The following PCDHGA5 variants were observed in gnomAD, a reference collection of about 807,000 sequenced individuals.
The protein encoded by PCDHGA5 is protocadherin gamma subfamily A, 5, also known as protocadherin gamma-A5.
A neutral mutation model predicts 56.7 loss-of-function variants in PCDHGA5; 36 were observed. That is an observed-to-expected ratio of 0.64 (90% confidence interval 0.49 to 0.84). PCDHGA5 has a LOEUF of 0.84. PCDHGA5 is among the 40% of genes least tolerant of loss of function. PCDHGA5 has a pLI of 0.00. For synonymous variants in PCDHGA5, 563 were observed against 520.2 expected, an observed-to-expected ratio of 1.08 and a Z score of -1.12; for missense variants, 1,305 against 1,201.5, an observed-to-expected ratio of 1.09 and a Z score of -1.27.
intron 1 of PCDHGA5, chr5:141,428,481 C>T (rs2097141995): frequency 3.0e-6 from 1 of 331,008 alleles, no homozygotes; most frequent in Non-Finnish European, 5.8e-6. Flanking sequence ...TGCTTTATTC[C>T]TGCAATCTGT....
intron 1 of PCDHGA5, among the ~76,000 whole-genome samples, chr5:141,474,243 G>GA (rs1161758975): frequency 2.6e-5 from 4 of 152,050 alleles, no homozygotes; most frequent in Admixed American, 1.3e-4. Context: ...CTGAATAGGG[G>GA]AAAAAAAGAC....
intron 1 of PCDHGA5, among the ~76,000 whole-genome samples, chr5:141,494,568 C>T (rs2099755322): frequency 6.6e-6 from 1 of 152,138 alleles, no homozygotes; most frequent in African/African-American, 2.4e-5. Context: ...GGAAAGGAGT[C>T]TCAGCTTGCT....
rs915039012 is a variant in PCDHGA5 at position 141,372,538 on chromosome 5, T to A, written c.2421+5787T>A. The stretch of plus-strand genomic sequence containing the variant: ...GTGATTCTGGCAATCTCCCTGCGCC[T>A]GCGATGCTCCTCCAGACCCGCCACT... On this transcript the variant is annotated intron_variant, in intron 1 of 3. Coordinates refer to ENST00000518069, the MANE Select transcript of PCDHGA5 (RefSeq NM_018918.3). The A allele has an allele frequency of 1.9e-6, 3 of 1,613,928 alleles. No homozygotes were observed. The African/African-American group carries it at 4.0e-5, about 22-fold the overall frequency.
At chr5:141,426,453 G>A (rs902416171) in intron 1 of PCDHGA5, 4 of 310,612 alleles carry the variant, frequency 1.3e-5, no homozygotes, top group African/African-American at 8.6e-5. Flanking sequence ...ACATGCGGCT[G>A]CATGTTCAGG....
intron 1 of PCDHGA5, among the ~76,000 whole-genome samples, chr5:141,474,773 G>T (rs1290099424): frequency 6.6e-6 from 1 of 152,182 alleles, no homozygotes; most frequent in East Asian, 1.9e-4. Flanking sequence ...ATAGTATGAG[G>T]CTCTAACACT....
chr5:141,474,170 T>G (rs535586079), intron 1 of PCDHGA5, among the ~76,000 whole-genome samples: 1 of 152,346 alleles, frequency 6.6e-6, no homozygotes, highest in South Asian at 2.1e-4. Flanking sequence ...GCCTTATTAT[T>G]GAGAAAACTA....
chr5:141,385,608 T>C, intron 1 of PCDHGA5: 2 of 1,153,978 alleles, frequency 1.7e-6, no homozygotes, highest in Non-Finnish European at 2.2e-6. Context: ...TTAACTCATA[T>C]ATTTTATACA....
rs192201180 is a variant in PCDHGA5 at position 141,364,242 on chromosome 5, G to A, written c.-89G>A. On this transcript the variant is annotated 5_prime_UTR_variant, in exon 1 of 4. Transcript: ENST00000518069. ...AAGCCAACGCTCCACGCCCATTTTC[G>A]TCAGGGAATATGTACCCATCGGCTT... 8 of 1,451,338 alleles carry A rather than the reference G, an allele frequency of 5.5e-6. No homozygotes were observed. The East Asian group carries it at 7.2e-5, about 13-fold the overall frequency. 89.9% of individuals were successfully genotyped at this position (1,451,338 alleles called of 1,614,324 possible).
chr5:141,393,263 A>G, intron 1 of PCDHGA5: 2 of 1,613,926 alleles, frequency 1.2e-6, no homozygotes, highest in Non-Finnish European at 1.7e-6. Context: ...TTCCTGGAGC[A>G]CGTTATCCAC....
chr5:141,385,707 A>C (rs1397936755), intron 1 of PCDHGA5: 1 of 259,744 alleles, frequency 3.8e-6, no homozygotes, highest in Non-Finnish European at 6.2e-6. Flanking sequence ...TTTAGCATTC[A>C]AATATGTAAA....
intron 1 of PCDHGA5, chr5:141,400,680 G>A (rs1452030965): frequency 1.4e-5 from 12 of 883,960 alleles, no homozygotes; most frequent in Admixed American, 5.5e-5. Context: ...GCAGTAAATT[G>A]TGAGTTTTTA....
chr5:141,463,359 T>C (rs2099057442), intron 1 of PCDHGA5, among the ~76,000 whole-genome samples: 2 of 151,672 alleles, frequency 1.3e-5, no homozygotes, highest in Admixed American at 6.6e-5. Flanking sequence ...GGATTTCCCC[T>C]TTCCTGCCCC....
intron 1 of PCDHGA5, among the ~76,000 whole-genome samples, chr5:141,370,104 TCTC>T (rs1276559358): frequency 6.6e-6 from 1 of 152,240 alleles, no homozygotes; most frequent in African/African-American, 2.4e-5. Context: ...TGCCGATTTT[TCTC>T]CTAACTAGCT....
chr5:141,431,127 T>C lies in PCDHGA5; in HGVS notation c.2422-63680T>C, dbSNP rs1455709617. ...AAAATATATGGAGTAGAAGTAGAAG[T>C]AAGGGACATTAACGACAATGCGCCT... On this transcript the variant is annotated intron_variant, in intron 1 of 3. Transcript: ENST00000518069. This position sits in a 1 kb window ranked among gnomAD's most constrained non-coding sequence, Gnocchi z 4.8. 1 of 1,614,176 alleles carries C rather than the reference T, an allele frequency of 6.2e-7. No individual in the cohort carries two copies. Among genetic ancestry groups the C allele is most frequent in the East Asian group, 2.2e-5 (1 of 44,878 alleles).
At chr5:141,403,314 T>C (rs1178188100) in intron 1 of PCDHGA5, 7 of 1,613,856 alleles carry the variant, frequency 4.3e-6, no homozygotes, top group Non-Finnish European at 5.1e-6. Flanking sequence ...GGAATAGAAA[T>C]AGAAGTAACT....
chr5:141,436,298 T>C (rs1480546595), intron 1 of PCDHGA5, among the ~76,000 whole-genome samples: 3 of 152,186 alleles, frequency 2.0e-5, no homozygotes, highest in Non-Finnish European at 4.4e-5. Flanking sequence ...CATTGAGAGT[T>C]AGAGCATGAA....
At chr5:141,397,753 A>G (rs1052800196) in intron 1 of PCDHGA5, among the ~76,000 whole-genome samples, 9 of 152,266 alleles carry the variant, frequency 5.9e-5, no homozygotes, top group African/African-American at 9.6e-5. Flanking sequence ...AGAAGTTGTT[A>G]TAATTTTTTA....
Position 141,449,720 on chromosome 5 carries a change from T to C in PCDHGA5, c.2422-45087T>C, listed in dbSNP as rs373093679. 2.4e-4 allele frequency among the ~76,000 whole-genome samples: 36 copies of C among 151,876 alleles called. No individual in the cohort carries two copies. In the East Asian group the frequency reaches 3.1e-3, roughly 13 times the overall value. ...ACACAAACACATTATTTTTATATGA[T>C]ATGATTTTTTTATGACATGATTATT... On this transcript the variant is annotated intron_variant, in intron 1 of 3. Coordinates refer to ENST00000518069, the MANE Select transcript of PCDHGA5 (RefSeq NM_018918.3).
chr5:141,412,963 G>A (rs1387713187), intron 1 of PCDHGA5: 2 of 518,110 alleles, frequency 3.9e-6, no homozygotes, highest in South Asian at 3.3e-5. Context: ...TCACCTACTA[G>A]GAGAGAAAAC....
Sources: gnomAD v4.1 joint callset for allele counts (sites outside exome capture counted in the v4.1 genomes callset) on GRCh38, gnomAD v4.1.1 for gene constraint, Gnocchi (gnomAD v3.1) non-coding constraint, MANE v1.5 for transcripts, NCBI Gene and HGNC (gene_info 2026-07-23, HGNC 2026-07-21) for gene names.